The following NPAS3 variants were observed in gnomAD, a reference collection of about 807,000 sequenced individuals.
NPAS3 encodes neuronal PAS domain protein 3, also known as neuronal PAS domain-containing protein 3.
NPAS3 carries 14 observed loss-of-function variants against 73.1 expected under a neutral mutation model. That is an observed-to-expected ratio of 0.19 (90% CI 0.13 to 0.30). NPAS3 has a LOEUF of 0.30. Ranked by LOEUF, NPAS3 falls within the 10% of genes least tolerant of loss-of-function variation. The pLI, the probability that NPAS3 is intolerant of heterozygous loss-of-function variation, is 1.00. For synonymous variants in NPAS3, 620 were observed against 541.5 expected (o/e 1.14, Z -2.01); for missense variants, 1,096 against 1,250.0 (o/e 0.88, Z 1.86).
At chr14:32,938,870 G>T (rs866345460), upstream of NPAS3, among the ~76,000 whole-genome samples, 1,563 of 142,758 alleles carry the variant, frequency 0.011, 23 homozygotes, top group African/African-American at 0.037. Flanking sequence ...CTCCTCCTCC[G>T]CCGCCGCCGC....
chr14:33,594,778 C>T (rs1386446289), intron 5 of NPAS3, among the ~76,000 whole-genome samples: 1 of 152,134 alleles, frequency 6.6e-6, no homozygotes, highest in African/African-American at 2.4e-5. Context: ...CTCTGAGTAC[C>T]CCTGCTCTGT....
intron 9 of NPAS3, among the ~76,000 whole-genome samples, chr14:33,791,885 A>G (rs149213543): frequency 2.0e-5 from 3 of 152,234 alleles, no homozygotes; most frequent in African/African-American, 7.2e-5. Context: ...TGCCTTTGTT[A>G]AACATACTAG....
At chr14:32,962,569 C>CTTTTTTTTTTTTTTTTTT (rs71432096) in intron 1 of NPAS3, among the ~76,000 whole-genome samples, 12 of 110,610 alleles carry the variant, frequency 1.1e-4, no homozygotes, top group South Asian at 6.4e-4. Context: ...TTTTTCTTTT[C>CTTTTTTTTTTTTTTTTTT]TTTTTTTTTT....
intron 3 of NPAS3, among the ~76,000 whole-genome samples, chr14:33,294,623 G>A (rs2042223371): frequency 1.3e-5 from 2 of 152,262 alleles, no homozygotes; most frequent in East Asian, 3.9e-4. Flanking sequence ...TGATCAGCAT[G>A]TATTTAATCA....
chr14:33,560,242 G>A (rs775345591), intron 5 of NPAS3, 32 bp downstream of exon 5: 14 of 836,626 alleles, frequency 1.7e-5, no homozygotes, highest in Admixed American at 1.0e-4. Flanking sequence ...TCTTGGCAGC[G>A]ATTATGAAGC....
At chr14:33,432,488 A>G (rs904579867) in intron 4 of NPAS3, among the ~76,000 whole-genome samples, 3 of 152,326 alleles carry the variant, frequency 2.0e-5, no homozygotes, top group Middle Eastern at 6.8e-3. Flanking sequence ...TTGTAAAACC[A>G]TTGGCTGGTT....
chr14:33,729,805 C>T (rs1466990993), intron 6 of NPAS3, among the ~76,000 whole-genome samples: 1 of 152,066 alleles, frequency 6.6e-6, no homozygotes, highest in Non-Finnish European at 1.5e-5. Flanking sequence ...CACACCAACT[C>T]GAGGGGAGAA....
chr14:33,561,736 A>G (rs1029520545), intron 5 of NPAS3, among the ~76,000 whole-genome samples: 1 of 152,222 alleles, frequency 6.6e-6, no homozygotes, highest in African/African-American at 2.4e-5. Flanking sequence ...TTCATGTTTC[A>G]TGCAGGGTAT....
chr14:33,009,519 G>C (rs998678767), intron 1 of NPAS3, among the ~76,000 whole-genome samples: 3 of 152,170 alleles, frequency 2.0e-5, no homozygotes, highest in African/African-American at 7.2e-5. Flanking sequence ...ATGTAGTAAT[G>C]ATGACGGTGG....
intron 6 of NPAS3, among the ~76,000 whole-genome samples, chr14:33,720,897 T>C (rs1425896078): frequency 6.6e-6 from 1 of 152,072 alleles, no homozygotes; most frequent in African/African-American, 2.4e-5. Flanking sequence ...GGAAAAAAAA[T>C]AACAGCCTGG....
chr14:33,388,646 G>A (rs577388377), intron 4 of NPAS3, among the ~76,000 whole-genome samples: 7 of 152,142 alleles, frequency 4.6e-5, no homozygotes, highest in African/African-American at 1.7e-4. Flanking sequence ...AATGGAGAAG[G>A]AGCTGAGACA....
intron 1 of NPAS3, among the ~76,000 whole-genome samples, chr14:32,979,348 T>G (rs1566426768): frequency 6.6e-6 from 1 of 152,178 alleles, no homozygotes; most frequent in Non-Finnish European, 1.5e-5. Flanking sequence ...TAAATAAGAT[T>G]TAGAATTTAC....
chr14:33,446,989 T>A (rs1463644061), intron 4 of NPAS3, among the ~76,000 whole-genome samples: 2 of 152,204 alleles, frequency 1.3e-5, no homozygotes, highest in Non-Finnish European at 2.9e-5. Context: ...ATTTACCAAA[T>A]AGCAATATGC....
chr14:33,666,571 C>G (rs1331408126), intron 5 of NPAS3, among the ~76,000 whole-genome samples: 2 of 152,196 alleles, frequency 1.3e-5, no homozygotes, highest in Non-Finnish European at 2.9e-5. Flanking sequence ...CCTAAAGGAT[C>G]TGGAGAAATT....
At chr14:33,305,271 G>A (rs942086021) in intron 3 of NPAS3, among the ~76,000 whole-genome samples, 1 of 151,838 alleles carries the variant, frequency 6.6e-6, no homozygotes, top group African/African-American at 2.4e-5. Context: ...TGCTTCTTAA[G>A]TTAGCTATAT....
chr14:33,570,537 A>G (rs1414354213), intron 5 of NPAS3, among the ~76,000 whole-genome samples: 1 of 152,204 alleles, frequency 6.6e-6, no homozygotes, highest in East Asian at 1.9e-4. Flanking sequence ...TTTCCGGCTC[A>G]TTAATTAAAG....
intron 3 of NPAS3, among the ~76,000 whole-genome samples, chr14:33,272,266 T>C (rs146756934): frequency 4.1e-4 from 63 of 152,354 alleles, no homozygotes; most frequent in Admixed American, 1.2e-3. Context: ...GAACACCACC[T>C]TCTTGATCAC....
At chr14:33,549,477 G>A (rs768332572) in intron 4 of NPAS3, among the ~76,000 whole-genome samples, 3 of 152,028 alleles carry the variant, frequency 2.0e-5, no homozygotes, top group South Asian at 2.1e-4. Context: ...CAAGCGATTC[G>A]CCTGCCTCGG....
intron 4 of NPAS3, among the ~76,000 whole-genome samples, chr14:33,557,633 G>T (rs976955684): frequency 1.3e-5 from 2 of 152,222 alleles, no homozygotes; most frequent in African/African-American, 4.8e-5. Context: ...GAATAGGCTT[G>T]TTGCCTAACT....
Sources: allele counts gnomAD v4.1 joint callset (sites outside exome capture counted in the v4.1 genomes callset), GRCh38; gene constraint gnomAD v4.1.1; transcripts MANE v1.5; gene names NCBI Gene and HGNC (gene_info 2026-07-23, HGNC 2026-07-21).